The following TMEM165 variants were observed in gnomAD, a reference collection of about 807,000 sequenced individuals.
TMEM165 encodes the protein transmembrane protein 165, also known as putative divalent cation/proton antiporter TMEM165.
A neutral mutation model predicts 30.0 loss-of-function variants in TMEM165; 19 were observed. That is an observed-to-expected ratio of 0.63 (90% CI 0.44 to 0.93). TMEM165 has a LOEUF of 0.93. TMEM165 is among the 40% of genes least tolerant of loss of function. The pLI, the probability that TMEM165 is intolerant of heterozygous loss-of-function variation, is 0.00. For synonymous variants in TMEM165, 168 were observed against 162.9 expected, an observed-to-expected ratio of 1.03 and a Z score of -0.24; for missense variants, 340 against 417.0, an observed-to-expected ratio of 0.82 and a Z score of 1.61.
intron 3 of TMEM165, among the ~76,000 whole-genome samples, chr4:55,445,579 A>ATTTTTTTTTTTTT (rs1191320465): frequency 3.1e-5 from 2 of 65,518 alleles, no homozygotes; most frequent in African/African-American, 5.3e-5. Context: ...CTATTTCTAT[A>ATTTTTTTTTTTTT]TTCTTTTTTT....
chr4:55,396,281 T>C lies in TMEM165; in HGVS notation c.92T>C (p.Val31Ala), dbSNP rs1720719387. 2.6e-6 allele frequency: 4 copies of C among 1,523,750 alleles called. No homozygotes were observed. Among genetic ancestry groups the C allele is most frequent in the Admixed American group, 2.0e-5 (1 of 49,812 alleles). 94.4% of individuals were successfully genotyped at this position (1,523,750 alleles called of 1,614,324 possible). Residue 31 changes from valine (V) to alanine (A), a missense_variant, in exon 1 of 6, where the codon GTC (valine) becomes GCC (alanine). Val to Ala is a moderately conservative substitution (Grantham distance 64, BLOSUM62 0). Transcript: ENST00000381334. Reference protein sequence around the residue: ...LVPLLWAPAAVRAGPDEDLSH... With the variant: ...LVPLLWAPAAARAGPDEDLSH... ...CCGCTGCTGTGGGCCCCGGCTGCGG[T>C]CCGGGCCGGCCCAGATGAAGACCTT...
intron 1 of TMEM165, among the ~76,000 whole-genome samples, chr4:55,410,961 C>G (rs1278295155): frequency 2.0e-5 from 3 of 151,938 alleles, no homozygotes; most frequent in South Asian, 2.1e-4. Context: ...GATGAGAAAC[C>G]CTGTCTTGAC....
intron 2 of TMEM165, chr4:55,415,142 T>A (rs545328335): frequency 6.6e-6 from 1 of 152,370 alleles, no homozygotes; most frequent in African/African-American, 2.4e-5. Context: ...AAAATGATGC[T>A]TTTAATTCTA....
chr4:55,396,357 G>A lies in TMEM165; in HGVS notation c.168G>A (p.Gln56=), dbSNP rs1253727633. The change falls in exon 1 of 6, where the codon CAG becomes CAA. Residue 56 remains glutamine (Q), a synonymous_variant. Coordinates refer to ENST00000381334, the MANE Select transcript of TMEM165 (RefSeq NM_018475.5). ...PPAPAQQLQP[Q]PVAVQGPEPA... is the part of the protein sequence containing the mutation. Reference sequence around the variant, plus strand: ...CGCCGGCCCAGCAGCTGCAGCCGCAGCCTGTGGCTGTGCAGGGCCCCGAGC... The same window carrying A: ...CGCCGGCCCAGCAGCTGCAGCCGCAACCTGTGGCTGTGCAGGGCCCCGAGC... 5 of 1,509,936 alleles carry A rather than the reference G, an allele frequency of 3.3e-6. No homozygotes were observed. Among genetic ancestry groups the A allele is most frequent in the Middle Eastern group, 1.8e-4 (1 of 5,696 alleles). The allele number at this position is 1,509,936 out of a possible 1,614,324, so 93.5% of individuals were successfully genotyped here.
At chr4:55,434,048 G>A (rs1722695381) in intron 3 of TMEM165, 1 of 152,594 alleles carries the variant, frequency 6.6e-6, no homozygotes, top group Non-Finnish European at 1.5e-5. Flanking sequence ...TGTACCTCCA[G>A]TCCAAGAGAC....
chr4:55,425,270 A>C, intron 5 of TMEM165, 106 bp from the exon 6 acceptor site: 1 of 859,178 alleles, frequency 1.2e-6, no homozygotes, highest in Non-Finnish European at 1.9e-6. Context: ...GGTTAGTTTA[A>C]TAGATTGGAA....
At chr4:55,444,864 GCAGTAT>G in intron 3 of TMEM165, 1 of 1,427,964 alleles carries the variant, frequency 7.0e-7, no homozygotes, top group Non-Finnish European at 9.6e-7. Context: ...TGAAAAGTAA[GCAGTAT>G]AACATGAGTG....
chr4:55,409,868 A>G (rs912552588), intron 1 of TMEM165, among the ~76,000 whole-genome samples: 5 of 152,216 alleles, frequency 3.3e-5, no homozygotes, highest in Non-Finnish European at 7.3e-5. Context: ...AAAACCTGCC[A>G]TCTCTAACTT....
At chr4:55,434,026 T>A (rs1722693992) in intron 3 of TMEM165, 1 of 152,592 alleles carries the variant, frequency 6.6e-6, no homozygotes, top group Non-Finnish European at 1.5e-5. Context: ...CATCTTTTAT[T>A]TCTAAATTAT....
intron 2 of TMEM165, among the ~76,000 whole-genome samples, chr4:55,413,363 G>A (rs62303684): frequency 0.1 from 15,547 of 151,828 alleles, 1,100 homozygotes; most frequent in Non-Finnish European, 0.14. Flanking sequence ...CACCCAGGCC[G>A]GAGTGCAGTG....
chr4:55,400,359 A>ATTAT (rs1213513922), intron 1 of TMEM165, among the ~76,000 whole-genome samples: 67 of 56,056 alleles, frequency 1.2e-3, no homozygotes, highest in Non-Finnish European at 2.1e-3. Flanking sequence ...TTATATTAAT[A>ATTAT]TAATTAATTA....
chr4:55,411,763 C>T lies in TMEM165; in HGVS notation c.357C>T (p.Ile119=). The T allele has an allele frequency of 6.2e-7, 1 of 1,614,202 alleles. No homozygotes were observed. ...LGDKTFFIAA[I]MAMRYNRLTV... ...ATAAGACATTTTTTATAGCAGCCAT[C>T]ATGGCAATGCGCTATAACCGCCTGA... Residue 119 remains isoleucine (I), a synonymous_variant, in exon 2 of 6, where the codon ATC becomes ATT. Coordinates refer to ENST00000381334, the MANE Select transcript of TMEM165 (RefSeq NM_018475.5).
At chr4:55,405,989 A>G (rs1232448681) in intron 1 of TMEM165, among the ~76,000 whole-genome samples, 1 of 152,214 alleles carries the variant, frequency 6.6e-6, no homozygotes, top group African/African-American at 2.4e-5. Context: ...GAAAAGAGGT[A>G]TATGCAGAAA....
chr4:55,429,176 A>G (rs1470291052), downstream of TMEM165: 1 of 152,218 alleles, frequency 6.6e-6, no homozygotes, highest in African/African-American at 2.4e-5. Context: ...TGTCATTTTT[A>G]AAAGCGATGT....
chr4:55,407,932 AG>A (rs891407130), intron 1 of TMEM165, among the ~76,000 whole-genome samples: 2 of 152,162 alleles, frequency 1.3e-5, no homozygotes, highest in African/African-American at 4.8e-5. Context: ...CTTGAGTCAC[AG>A]GGGGGTGTAC....
chr4:55,403,516 A>ATTTTTTTTTTTT (rs1398677528), intron 1 of TMEM165, among the ~76,000 whole-genome samples: 2 of 128,524 alleles, frequency 1.6e-5, no homozygotes, highest in African/African-American at 3.1e-5. Context: ...TTTTTTTACA[A>ATTTTTTTTTTTT]TTTTTACATT....
intron 5 of TMEM165, chr4:55,424,881 ATTATC>A (rs1722127806): frequency 2.1e-6 from 1 of 478,520 alleles, no homozygotes; most frequent in Non-Finnish European, 3.7e-6. Flanking sequence ...TTGTTAACAT[ATTATC>A]TTAGTAAAAC....
At chr4:55,415,752 G>A (rs1348634662) in intron 2 of TMEM165, 1 of 152,070 alleles carries the variant, frequency 6.6e-6, no homozygotes, top group Non-Finnish European at 1.5e-5. Flanking sequence ...GTAATGTAGG[G>A]AATTATTTAC....
chr4:55,441,186 G>A (rs1236290500), intron 3 of TMEM165, among the ~76,000 whole-genome samples: 1 of 152,154 alleles, frequency 6.6e-6, no homozygotes, highest in Admixed American at 6.5e-5. Flanking sequence ...AAAGATAGAT[G>A]TTCAGGGAAA....
Sources: allele counts gnomAD v4.1 joint callset (sites outside exome capture counted in the v4.1 genomes callset), GRCh38; gene constraint gnomAD v4.1.1; transcripts MANE v1.5; gene names NCBI Gene and HGNC (gene_info 2026-07-23, HGNC 2026-07-21).